Variants in CHIC2 observed in about 807,000 individuals in gnomAD.
CHIC2 encodes cysteine-rich hydrophobic domain-containing protein 2.
A neutral mutation model predicts 25.9 loss-of-function variants in CHIC2; 14 were observed. The observed-to-expected ratio is 0.54, with a 90% CI of 0.36 to 0.85. The LOEUF (loss-of-function observed/expected upper bound fraction) is 0.85. Ranked by LOEUF, CHIC2 falls within the 40% of genes least tolerant of loss-of-function variation. The pLI is 0.01. For synonymous variants in CHIC2, 70 were observed against 72.0 expected (o/e 0.97, Z 0.14); for missense variants, 146 against 202.0 (o/e 0.72, Z 1.68).
the CHIC2 span, among the ~76,000 whole-genome samples, chr4:54,085,335 G>A: frequency 8.3e-4 from 127 of 152,240 alleles, no homozygotes; most frequent in African/African-American, 2.8e-3. Flanking sequence ...CAATGATCTC[G>A]TAGGGGGATG....
chr4:54,031,010 G>A (rs1716213152), intron 3 of CHIC2, among the ~76,000 whole-genome samples: 1 of 151,728 alleles, frequency 6.6e-6, no homozygotes, highest in Non-Finnish European at 1.5e-5. Context: ...CTCTTGTGTA[G>A]CTGGGATTAC....
In CHIC2 at chr4:54,064,052, C is replaced by T. The variant is rs1717420650; in HGVS notation, c.119+130G>A. The T allele has an allele frequency of 1.4e-6, 1 of 723,328 alleles. No individual in the cohort carries two copies. The highest frequency in any genetic ancestry group is 2.3e-6 in the Non-Finnish European group (1 of 433,728). The allele number at this position is 723,328 out of a possible 1,614,324, so 44.8% of individuals were successfully genotyped here. ...AACAAATGAAAATAAGCCAAGTTCTCACTTCCTGGTTGCCTACTCTTTCGG... is the reference window on the plus strand; with the variant it reads ...AACAAATGAAAATAAGCCAAGTTCTTACTTCCTGGTTGCCTACTCTTTCGG... On this transcript the variant is annotated intron_variant, in intron 1 of 5. Coordinates refer to ENST00000263921, the MANE Select transcript of CHIC2 (RefSeq NM_012110.4). This position sits in a 1 kb window ranked among gnomAD's most constrained non-coding sequence, Gnocchi z 4.2.
chr4:54,056,629 CTTTT>C (rs1267785836), intron 1 of CHIC2, among the ~76,000 whole-genome samples: 4 of 152,090 alleles, frequency 2.6e-5, no homozygotes, highest in Non-Finnish European at 5.9e-5. Flanking sequence ...AGTACATTCA[CTTTT>C]TTTATCAATC....
upstream of CHIC2, among the ~76,000 whole-genome samples, chr4:54,067,928 C>CG (rs944167373): frequency 1.7e-4 from 25 of 151,086 alleles, no homozygotes; most frequent in African/African-American, 2.2e-4. Flanking sequence ...GTCCCCCCCC[C>CG]CAAATTCATA....
intron 5 of CHIC2, among the ~76,000 whole-genome samples, chr4:54,012,704 A>G (rs1715631775): frequency 6.6e-6 from 1 of 152,184 alleles, no homozygotes; most frequent in Non-Finnish European, 1.5e-5. Flanking sequence ...CAAATGTGTT[A>G]TGATTATAAA....
intron 3 of CHIC2, among the ~76,000 whole-genome samples, chr4:54,019,404 A>G (rs1444937116): frequency 6.6e-6 from 1 of 152,166 alleles, no homozygotes; most frequent in Non-Finnish European, 1.5e-5. Context: ...TGTTAAAAGT[A>G]ATATTTTTAG....
the CHIC2 span, among the ~76,000 whole-genome samples, chr4:54,090,536 G>A: frequency 9.2e-5 from 14 of 152,118 alleles, no homozygotes; most frequent in Admixed American, 4.6e-4. Flanking sequence ...GCTCACAAAC[G>A]CATCCTCCCT....
chr4:54,082,422 ATAAAG>A, the CHIC2 span, among the ~76,000 whole-genome samples: 1 of 152,238 alleles, frequency 6.6e-6, no homozygotes, highest in Non-Finnish European at 1.5e-5. Flanking sequence ...CCTTGTGGAT[ATAAAG>A]TTGACTCAGT....
chr4:54,076,316 AT>A, the CHIC2 span, among the ~76,000 whole-genome samples: 1 of 152,108 alleles, frequency 6.6e-6, no homozygotes. Flanking sequence ...AATTAAATTA[AT>A]TTTTAAAAAT....
chr4:54,058,549 T>TACACACATACACAC (rs1176285644), intron 1 of CHIC2, among the ~76,000 whole-genome samples: 20 of 126,956 alleles, frequency 1.6e-4, no homozygotes, highest in South Asian at 2.7e-4. Context: ...CATACACACA[T>TACACACATACACAC]ACACACACAT....
At chr4:54,019,880 T>C (rs1715846251) in intron 3 of CHIC2, among the ~76,000 whole-genome samples, 1 of 144,468 alleles carries the variant, frequency 6.9e-6, no homozygotes, top group South Asian at 2.2e-4. Context: ...GCAGCAAATA[T>C]GTCACTATTA....
rs1280721932 is a variant in CHIC2 at position 54,047,264 on chromosome 4, T to G, written c.330+1691A>C. On this transcript the variant is annotated intron_variant, in intron 3 of 5. Coordinates refer to ENST00000263921, the MANE Select transcript of CHIC2 (RefSeq NM_012110.4). ...GGCGATTCCTCAGGGATCTAGAACT[T>G]GAAATACCATTTGACCCAGCAATCC... 1.2e-4 allele frequency among the ~76,000 whole-genome samples: 18 copies of G among 152,164 alleles called. No homozygotes were observed. In the South Asian group the frequency reaches 3.3e-3, roughly 28 times the overall value.
At chr4:54,061,718 A>T (rs914971830) in intron 1 of CHIC2, among the ~76,000 whole-genome samples, 3 of 152,170 alleles carry the variant, frequency 2.0e-5, no homozygotes, top group African/African-American at 7.2e-5. Flanking sequence ...TGTGCCTGGG[A>T]ATTATGCATG....
chr4:54,065,180 C>T, upstream of CHIC2: 1 of 375,738 alleles, frequency 2.7e-6, no homozygotes, highest in African/African-American at 2.2e-5. Context: ...CAAATTCAAA[C>T]ATCTTATCCC....
At chr4:54,073,124 C>A in the CHIC2 span, among the ~76,000 whole-genome samples, 1 of 152,136 alleles carries the variant, frequency 6.6e-6, no homozygotes, top group African/African-American at 2.4e-5. Context: ...CTAAACATGC[C>A]CATTTACTTC....
chr4:54,073,241 G>A, the CHIC2 span, among the ~76,000 whole-genome samples: 1 of 152,058 alleles, frequency 6.6e-6, no homozygotes, highest in Admixed American at 6.6e-5. Context: ...TAACATTTGG[G>A]GCTCTGACTA....
the CHIC2 span, among the ~76,000 whole-genome samples, chr4:54,071,043 T>C: frequency 4.6e-5 from 7 of 152,182 alleles, no homozygotes; most frequent in Admixed American, 6.5e-5. Flanking sequence ...AATACAACTA[T>C]GCAAAAGGCC....
At chr4:54,053,349 G>C (rs1717065756) in intron 1 of CHIC2, among the ~76,000 whole-genome samples, 2 of 152,194 alleles carry the variant, frequency 1.3e-5, no homozygotes, top group South Asian at 2.1e-4. Context: ...CTGAGGTCAG[G>C]AGTTCGAGAC....
the CHIC2 span, among the ~76,000 whole-genome samples, chr4:54,074,351 C>A: frequency 6.6e-6 from 1 of 152,140 alleles, no homozygotes; most frequent in East Asian, 1.9e-4. Flanking sequence ...CCCCTGAATG[C>A]ATGCTGAGAA....
Sources: allele counts gnomAD v4.1 joint callset (sites outside exome capture counted in the v4.1 genomes callset), GRCh38; gene constraint gnomAD v4.1.1; non-coding constraint Gnocchi (gnomAD v3.1); transcripts MANE v1.5; gene names NCBI Gene and HGNC (gene_info 2026-07-23, HGNC 2026-07-21).